The following ZMYM4 variants were observed in gnomAD, a reference collection of about 807,000 sequenced individuals.
The protein encoded by ZMYM4 is zinc finger MYM-type containing 4.
A neutral mutation model predicts 183.2 loss-of-function variants in ZMYM4; 31 were observed. The observed-to-expected ratio is 0.17, with a 90% confidence interval of 0.13 to 0.23. The LOEUF (loss-of-function observed/expected upper bound fraction) is 0.23. Among genes scored for constraint, ZMYM4 ranks in the 10% least tolerant of loss-of-function variants. The probability of loss-of-function intolerance (pLI) is 1.00; values close to 1 mark genes in which losing one functional copy is unlikely to be tolerated. For synonymous variants in ZMYM4, 592 were observed against 631.2 expected (o/e 0.94, Z 0.93); for missense variants, 1,273 against 1,840.3 (o/e 0.69, Z 5.64).
At chr1:35,407,394 C>T (rs1436177315) in intron 25 of ZMYM4, among the ~76,000 whole-genome samples, 1 of 150,960 alleles carries the variant, frequency 6.6e-6, no homozygotes, top group Non-Finnish European at 1.5e-5. Context: ...TGCCATTGCA[C>T]CCCAGCCTGG....
intron 1 of ZMYM4, among the ~76,000 whole-genome samples, chr1:35,318,579 T>C (rs1642155033): frequency 6.6e-6 from 1 of 152,056 alleles, no homozygotes; most frequent in Non-Finnish European, 1.5e-5. Flanking sequence ...TGCCTCAGCC[T>C]CCCAAATAGC....
intron 25 of ZMYM4, among the ~76,000 whole-genome samples, chr1:35,406,262 A>G (rs889044045): frequency 2.0e-5 from 3 of 152,172 alleles, no homozygotes; most frequent in African/African-American, 4.8e-5. Context: ...TTGAGTTCCT[A>G]TAGATGAAAT....
rs1170145115 is a variant in ZMYM4, at chr1:35,398,955, G to A, written c.3345G>A (p.Lys1115=). 6.2e-7 allele frequency: 1 copy of A among 1,614,128 alleles called. No individual in the cohort carries two copies. Among genetic ancestry groups the A allele is most frequent in the Non-Finnish European group, 8.5e-7 (1 of 1,180,010 alleles). Reference sequence around the variant, plus strand: ...AAGAGCTGAATCACTATGCCTTAAAGTCAAATGCTGTGCAAGAGGCTGATT... The same window carrying A: ...AAGAGCTGAATCACTATGCCTTAAAATCAAATGCTGTGCAAGAGGCTGATT... ...WEEELNHYAL[K]SNAVQEADSE... Residue 1115 remains lysine (K), a synonymous_variant, in exon 22 of 30, where the codon AAG becomes AAA. Transcript: ENST00000314607.
At chr1:35,399,235 G>GT (rs1644860284) in intron 22 of ZMYM4, among the ~76,000 whole-genome samples, 192 bp downstream of exon 22, 1 of 152,132 alleles carries the variant, frequency 6.6e-6, no homozygotes, top group Non-Finnish European at 1.5e-5. Context: ...CTTATAAGTG[G>GT]TTAATGTGGT....
intron 1 of ZMYM4, among the ~76,000 whole-genome samples, chr1:35,283,326 CTTTTTTTTTTTTTT>C (rs201360397): frequency 2.1e-4 from 12 of 56,772 alleles, no homozygotes; most frequent in African/African-American, 7.6e-4. Context: ...GAAGTGGTAT[CTTTTTTTTTTTTTT>C]TTTTTTTTTT....
In ZMYM4 at chr1:35,413,047, A is replaced by G. The variant is rs139015205; in HGVS notation, c.3949-925A>G. Among the ~76,000 whole-genome samples, 16 of 152,038 alleles carry G rather than the reference A, an allele frequency of 1.1e-4. No individual in the cohort carries two copies. In the East Asian group the frequency reaches 3.1e-3, roughly 29 times the overall value. Reference sequence around the variant, plus strand: ...TTGATTTTATCTGACCTGCGCCGTCAGTACTTTTTAAAAGAGACAGGGTCT... The same window carrying G: ...TTGATTTTATCTGACCTGCGCCGTCGGTACTTTTTAAAAGAGACAGGGTCT... On this transcript the variant is annotated intron_variant, in intron 26 of 29. Coordinates refer to ENST00000314607, the MANE Select transcript of ZMYM4 (RefSeq NM_005095.3).
At chr1:35,361,490 A>G (rs1021559250) in intron 4 of ZMYM4, 129 bp from the exon 5 acceptor site, 16 of 1,128,174 alleles carry the variant, frequency 1.4e-5, no homozygotes, top group East Asian at 7.8e-5. Flanking sequence ...AGGCGTAGGC[A>G]TAAGATCCAA....
At position 35,338,049 on chromosome 1, in the gene ZMYM4, C is replaced by T. The variant is rs1643048597; in HGVS notation, c.85+12644C>T. On this transcript the variant is annotated intron_variant, in intron 2 of 29. Coordinates refer to ENST00000314607, the MANE Select transcript of ZMYM4 (RefSeq NM_005095.3). Reference sequence around the variant, plus strand: ...GAATTTAATGTAATTTTTCATGTGTCAGGGAATGTTCTTTTGATTGTTTTT... The same window carrying T: ...GAATTTAATGTAATTTTTCATGTGTTAGGGAATGTTCTTTTGATTGTTTTT... 1.3e-5 allele frequency among the ~76,000 whole-genome samples: 2 copies of T among 152,184 alleles called. 1 individual carries two copies. Among genetic ancestry groups the T allele is most frequent in the South Asian group, 4.1e-4 (2 of 4,832 alleles).
chr1:35,351,477 G>A, intron 2 of ZMYM4: 1 of 1,562,398 alleles, frequency 6.4e-7, no homozygotes, highest in Admixed American at 1.7e-5. Flanking sequence ...TCCAGTCTAT[G>A]AAAAGAAGCC....
rs1444194087 is a variant in ZMYM4, at chr1:35,399,059, C to G, written c.3433+16C>G. 6.2e-7 allele frequency: 1 copy of G among 1,611,420 alleles called. No individual in the cohort carries two copies. The highest frequency in any genetic ancestry group is 2.2e-5 in the East Asian group (1 of 44,802). ...TTTCCATCAGGTTTGTGTACAGTAA[C>G]CTGTCCACTGAAAGCTTTTTATTTT... On this transcript the variant is annotated intron_variant, in intron 22 of 29. Transcript: ENST00000314607.
In ZMYM4 at chr1:35,338,879, C is replaced by T. The variant is rs529003182; in HGVS notation, c.85+13474C>T. Reference sequence around the variant, plus strand: ...ATAAACTTACCAGTTATAGATGGTGCGAATAAACTTCTCATTCATCTCTTA... The same window carrying T: ...ATAAACTTACCAGTTATAGATGGTGTGAATAAACTTCTCATTCATCTCTTA... On this transcript the variant is annotated intron_variant, in intron 2 of 29. Transcript: ENST00000314607. Among the ~76,000 whole-genome samples, 17 of 152,218 alleles carry T rather than the reference C, an allele frequency of 1.1e-4. No individual in the cohort carries two copies. The South Asian group carries it at 1.7e-3, about 15-fold the overall frequency.
intron 2 of ZMYM4, among the ~76,000 whole-genome samples, chr1:35,327,026 A>T (rs1235726513): frequency 1.3e-5 from 2 of 151,930 alleles, no homozygotes; most frequent in East Asian, 3.9e-4. Flanking sequence ...CTCCTAGCTA[A>T]TTTTTTATAT....
rs777081812 is a variant in ZMYM4 at position 35,405,124 on chromosome 1, G to A, written c.3630G>A (p.Gly1210=). The A allele has an allele frequency of 8.7e-6, 14 of 1,614,002 alleles. No homozygotes were observed. Among genetic ancestry groups the A allele is most frequent in the Non-Finnish European group, 8.5e-7 (1 of 1,180,010 alleles). The change falls in exon 24 of 30, where the codon GGG becomes GGA. Residue 1210 remains glycine, a synonymous_variant. Transcript: ENST00000314607. ...GGATGACACTGAAATACATGTATGG[G>A]GTAAATGCTTGGAAGAACTGGGTTC... ...VSGMTLKYMY[G]VNAWKNWVQW...
chr1:35,374,019 CTTTTTTTTTTT>C (rs397863926), intron 7 of ZMYM4, among the ~76,000 whole-genome samples: 49 of 52,788 alleles, frequency 9.3e-4, no homozygotes, highest in Non-Finnish European at 1.4e-3. Flanking sequence ...TCATGGGATT[CTTTTTTTTTTT>C]TTTTTTTTTT....
At chr1:35,339,513 G>A (rs1014643095) in intron 2 of ZMYM4, among the ~76,000 whole-genome samples, 5 of 152,166 alleles carry the variant, frequency 3.3e-5, no homozygotes, top group Non-Finnish European at 7.3e-5. Context: ...GGGATTACAG[G>A]CATGAGCCCA....
chr1:35,316,022 TAAC>T (rs1642030552), intron 1 of ZMYM4, among the ~76,000 whole-genome samples: 1 of 152,238 alleles, frequency 6.6e-6, no homozygotes, highest in Non-Finnish European at 1.5e-5. Flanking sequence ...ATAGTTTTCT[TAAC>T]AAGTATTCAG....
chr1:35,331,917 G>A lies in ZMYM4; in HGVS notation c.85+6512G>A, dbSNP rs539602691. ...AATTTTAGTTTAGGTTGATCAGTAG[G>A]ATAAGAGGGTGGTAAAAGTATGTTG... On this transcript the variant is annotated intron_variant, in intron 2 of 29. Coordinates refer to ENST00000314607, the MANE Select transcript of ZMYM4 (RefSeq NM_005095.3). 3.6e-4 allele frequency among the ~76,000 whole-genome samples: 54 copies of A among 151,908 alleles called. 1 individual carries two copies. The South Asian group carries it at 7.5e-3, about 21-fold the overall frequency.
intron 1 of ZMYM4, among the ~76,000 whole-genome samples, chr1:35,269,930 G>GT (rs1262778756): frequency 1.3e-5 from 2 of 152,200 alleles, no homozygotes; most frequent in African/African-American, 4.8e-5. Context: ...ATGATAAGAA[G>GT]TAAGTTTCCT....
At position 35,418,349 on chromosome 1, in the gene ZMYM4, A is replaced by G. The variant is rs533638722; in HGVS notation, c.4310-94A>G. ...GTGAGTGAAAGGGAGGAAATGACAA[A>G]GTTCTGGCTGCGAAGCAAAGCTCAT... On this transcript the variant is annotated intron_variant, in intron 28 of 29. Coordinates refer to ENST00000314607, the MANE Select transcript of ZMYM4 (RefSeq NM_005095.3). 157 of 1,380,028 alleles carry G rather than the reference A, an allele frequency of 1.1e-4. 5 individuals are homozygous for G. In the South Asian group the frequency reaches 2.1e-3, roughly 18 times the overall value. 85.5% of individuals were successfully genotyped at this position (1,380,028 alleles called of 1,614,324 possible).
Sources: gnomAD v4.1 joint callset for allele counts (sites outside exome capture counted in the v4.1 genomes callset) on GRCh38, gnomAD v4.1.1 for gene constraint, MANE v1.5 for transcripts, NCBI Gene and HGNC (gene_info 2026-07-23, HGNC 2026-07-21) for gene names.